Variants in MGAT3 observed in about 807,000 individuals in gnomAD.
MGAT3 encodes beta-1,4-mannosyl-glycoprotein 4-beta-N-acetylglucosaminyltransferase.
MGAT3 carries 9 observed loss-of-function variants against 29.8 expected under a neutral mutation model. That is an observed-to-expected ratio of 0.30 (90% CI 0.18 to 0.53). The LOEUF is 0.53. MGAT3 is among the 20% of genes least tolerant of loss of function. MGAT3 has a pLI of 0.96. For missense variants in MGAT3, 557 were observed against 769.5 expected, an observed-to-expected ratio of 0.72 and a Z score of 3.27; for synonymous variants, 397 against 348.9, an observed-to-expected ratio of 1.14 and a Z score of -1.54.
intron 1 of MGAT3, among the ~76,000 whole-genome samples, chr22:39,463,648 C>T (rs1257053798): frequency 6.6e-6 from 1 of 152,054 alleles, no homozygotes; most frequent in Non-Finnish European, 1.5e-5. Flanking sequence ...GACTTGGACT[C>T]CCAAAGTAAT....
rs181440940 is a variant in MGAT3, at chr22:39,475,561, C to T, written c.-1-11786C>T. The stretch of plus-strand genomic sequence containing the variant: ...CTCTATGAGCCTCTCTCAGCCAAGA[C>T]CTTGGCATCAGCTCACCACTGCCCC... On this transcript the variant is annotated intron_variant, in intron 1 of 1. Coordinates refer to ENST00000341184, the MANE Select transcript of MGAT3 (RefSeq NM_002409.5). Among the ~76,000 whole-genome samples the T allele has an allele frequency of 1.4e-4, 21 of 152,304 alleles. No homozygotes were observed. The East Asian group carries it at 3.7e-3, about 27-fold the overall frequency.
chr22:39,485,258 G>A (rs1206504635), intron 1 of MGAT3, among the ~76,000 whole-genome samples: 2 of 152,160 alleles, frequency 1.3e-5, no homozygotes, highest in Admixed American at 6.5e-5. Flanking sequence ...TAGACTCAAG[G>A]GTGAAATGAG....
chr22:39,465,430 CAG>C (rs1928614216), intron 1 of MGAT3, among the ~76,000 whole-genome samples: 1 of 152,174 alleles, frequency 6.6e-6, no homozygotes, highest in South Asian at 2.1e-4. Context: ...AAGTGAAAAA[CAG>C]AGCCATACCC....
intron 1 of MGAT3, among the ~76,000 whole-genome samples, chr22:39,482,446 C>T (rs911889661): frequency 6.6e-6 from 1 of 152,194 alleles, no homozygotes; most frequent in African/African-American, 2.4e-5. Flanking sequence ...CCAGAACTTA[C>T]GTTCAAGTCC....
At chr22:39,467,443 G>A (rs982512004) in intron 1 of MGAT3, among the ~76,000 whole-genome samples, 2 of 152,142 alleles carry the variant, frequency 1.3e-5, no homozygotes, top group African/African-American at 2.4e-5. Flanking sequence ...CTCGCTTTGG[G>A]AGTGCAGGCA....
At chr22:39,463,574 G>A (rs955227919) in intron 1 of MGAT3, among the ~76,000 whole-genome samples, 3 of 152,156 alleles carry the variant, frequency 2.0e-5, no homozygotes, top group African/African-American at 7.2e-5. Context: ...CCAGACCCTA[G>A]CCAGCCCTGC....
chr22:39,461,788 A>G (rs1928504611), intron 1 of MGAT3, among the ~76,000 whole-genome samples: 1 of 152,208 alleles, frequency 6.6e-6, no homozygotes, highest in Non-Finnish European at 1.5e-5. Flanking sequence ...GCCTATAAAA[A>G]TATCAATAGC....
chr22:39,461,601 G>A (rs1273103848), intron 1 of MGAT3, among the ~76,000 whole-genome samples: 1 of 152,130 alleles, frequency 6.6e-6, no homozygotes, highest in Admixed American at 6.5e-5. Flanking sequence ...TTGCTGTGCT[G>A]TTCCCTCGAC....
rs1406279278 is a variant in MGAT3 at position 39,488,532 on chromosome 22, T to C, written c.1185T>C (p.Tyr395=). 1.2e-6 allele frequency: 2 copies of C among 1,612,840 alleles called. No homozygotes were observed. The highest frequency in any genetic ancestry group is 2.7e-5 in the African/African-American group (2 of 74,928). Residue 395 remains tyrosine, a synonymous_variant, in exon 2 of 2, where the codon TAT becomes TAC. Coordinates refer to ENST00000341184, the MANE Select transcript of MGAT3 (RefSeq NM_002409.5). ...ACACCATGCCCAACTTCAGACAGTA[T>C]GAGAACCGCACCGGCCACATCCTGG... is the stretch of plus-strand genomic sequence containing the variant. ...QYYTMPNFRQ[Y]ENRTGHILVQ...
chr22:39,483,889 C>T (rs1929195570), intron 1 of MGAT3, among the ~76,000 whole-genome samples: 1 of 152,222 alleles, frequency 6.6e-6, no homozygotes. Context: ...GCTGTGCCCA[C>T]TCCGTGTGGA....
chr22:39,460,983 C>G (rs1314138695), intron 1 of MGAT3, among the ~76,000 whole-genome samples: 1 of 152,080 alleles, frequency 6.6e-6, no homozygotes, highest in Non-Finnish European at 1.5e-5. Context: ...CTGATGTCTT[C>G]CTTTTCTGAC....
At chr22:39,461,860 G>T (rs1361995526) in intron 1 of MGAT3, among the ~76,000 whole-genome samples, 2 of 151,938 alleles carry the variant, frequency 1.3e-5, no homozygotes, top group Non-Finnish European at 2.9e-5. Context: ...CCCCTCTACA[G>T]ATGGGGAAAT....
chr22:39,466,753 G>A (rs1928659062), intron 1 of MGAT3, among the ~76,000 whole-genome samples: 1 of 152,254 alleles, frequency 6.6e-6, no homozygotes, highest in African/African-American at 2.4e-5. Flanking sequence ...GTTGGCTGAT[G>A]TTGTTACTGA....
At chr22:39,486,067 T>A (rs1205986285) in intron 1 of MGAT3, 2 of 367,164 alleles carry the variant, frequency 5.4e-6, no homozygotes, top group Non-Finnish European at 1.0e-5. Context: ...AGACTTAGTG[T>A]CCAATATGGT....
chr22:39,487,720 C>A lies in MGAT3; in HGVS notation c.373C>A (p.Leu125Met). Residue 125 changes from leucine (L) to methionine (M), a missense_variant, in exon 2 of 2, where the codon CTG (leucine) becomes ATG (methionine). Physicochemically the swap from Leu to Met is conservative, Grantham distance 15. Coordinates refer to ENST00000341184, the MANE Select transcript of MGAT3 (RefSeq NM_002409.5). This position sits in a 1 kb window ranked among gnomAD's most constrained non-coding sequence, Gnocchi z 5.7. ...GVCFKPGTKM[L>M]ERPPPGRPEE... ...CTGCTTCAAACCCGGCACCAAGATGCTGGAGAGGCCGCCCCCGGGACGGCC... is the reference window on the plus strand; with the variant it reads ...CTGCTTCAAACCCGGCACCAAGATGATGGAGAGGCCGCCCCCGGGACGGCC... 6.4e-7 allele frequency: 1 copy of A among 1,564,236 alleles called. No homozygotes were observed. Among genetic ancestry groups the A allele is most frequent in the Non-Finnish European group, 8.6e-7 (1 of 1,158,242 alleles).
intron 1 of MGAT3, among the ~76,000 whole-genome samples, chr22:39,465,473 A>G (rs1024294767): frequency 2.0e-5 from 3 of 152,180 alleles, no homozygotes; most frequent in Non-Finnish European, 4.4e-5. Context: ...CAGTGAAACC[A>G]TGTGTGTAAG....
intron 1 of MGAT3, among the ~76,000 whole-genome samples, chr22:39,474,612 C>T (rs755081747): frequency 2.0e-5 from 3 of 152,242 alleles, no homozygotes; most frequent in Non-Finnish European, 4.4e-5. Flanking sequence ...CCTGGCTCTG[C>T]ACACAGCAGG....
chr22:39,484,976 C>T (rs959398854), intron 1 of MGAT3, among the ~76,000 whole-genome samples: 6 of 152,010 alleles, frequency 3.9e-5, no homozygotes, highest in African/African-American at 1.2e-4. Flanking sequence ...GCACTTCAGC[C>T]TGGGTGACAG....
At position 39,471,931 on chromosome 22, in the gene MGAT3, C is replaced by A. The variant is rs905962889; in HGVS notation, c.-2+14374C>A. ...CTGAGCAGGCTGGGCTGAGGGCAGC[C>A]CCCCAGGGAAGGCAAGGGCTAGGAA... is the stretch of plus-strand genomic sequence containing the variant. On this transcript the variant is annotated intron_variant, in intron 1 of 1. Coordinates refer to ENST00000341184, the MANE Select transcript of MGAT3 (RefSeq NM_002409.5). Among the ~76,000 whole-genome samples the A allele has an allele frequency of 5.9e-5, 9 of 152,070 alleles. No individual in the cohort carries two copies. The East Asian group carries it at 7.7e-4, about 13-fold the overall frequency.
Sources: gnomAD v4.1 joint callset for allele counts (sites outside exome capture counted in the v4.1 genomes callset) on GRCh38, gnomAD v4.1.1 for gene constraint, Gnocchi (gnomAD v3.1) non-coding constraint, MANE v1.5 for transcripts, NCBI Gene and HGNC (gene_info 2026-07-23, HGNC 2026-07-21) for gene names.